The following KCNIP1 variants were observed in gnomAD, a reference collection of about 807,000 sequenced individuals.
KCNIP1 encodes the protein potassium voltage-gated channel interacting protein 1, also known as A-type potassium channel modulatory protein KCNIP1.
A neutral mutation model predicts 33.0 loss-of-function variants in KCNIP1; 18 were observed. The observed-to-expected ratio is 0.55, with a 90% CI of 0.38 to 0.81. KCNIP1 has a LOEUF of 0.81. Among genes scored for constraint, KCNIP1 ranks in the 30% least tolerant of loss-of-function variants. The pLI is 0.00. For missense variants in KCNIP1, 238 were observed against 271.6 expected (o/e 0.88, Z 0.87); for synonymous variants, 93 against 98.3 (o/e 0.95, Z 0.32).
At chr5:170,422,640 T>C (rs1755523044) in intron 1 of KCNIP1, 1 of 152,200 alleles carries the variant, frequency 6.6e-6, no homozygotes. Context: ...GAACCTAGAA[T>C]CTAAAGGGGT....
chr5:170,719,050 G>T (rs1561782359), intron 2 of KCNIP1, among the ~76,000 whole-genome samples, 168 bp downstream of exon 2: 1 of 152,106 alleles, frequency 6.6e-6, no homozygotes, highest in Non-Finnish European at 1.5e-5. Context: ...AGAAAGGAAG[G>T]CTCCAGGCGA....
intron 1 of KCNIP1, among the ~76,000 whole-genome samples, chr5:170,704,693 T>C (rs924633065): frequency 1.3e-5 from 2 of 152,304 alleles, no homozygotes; most frequent in Non-Finnish European, 1.5e-5. Flanking sequence ...GGGTGAGGAA[T>C]CTAGGCACTA....
chr5:170,615,913 G>A (rs1171063990), intron 1 of KCNIP1, among the ~76,000 whole-genome samples: 1 of 152,230 alleles, frequency 6.6e-6, no homozygotes, highest in Non-Finnish European at 1.5e-5. Flanking sequence ...CAGTAGCTGG[G>A]TTTGTTGTTG....
At chr5:170,687,127 C>T (rs1479971075) in intron 1 of KCNIP1, among the ~76,000 whole-genome samples, 6 of 152,002 alleles carry the variant, frequency 3.9e-5, no homozygotes, top group Non-Finnish European at 7.4e-5. Context: ...CTTAAAAATC[C>T]GGTTTCTCCT....
At chr5:170,385,150 C>T (rs1196445460) in intron 1 of KCNIP1, among the ~76,000 whole-genome samples, 1 of 152,208 alleles carries the variant, frequency 6.6e-6, no homozygotes, top group Non-Finnish European at 1.5e-5. Context: ...GTTCATCCTA[C>T]CTTCCCTGCA....
At chr5:170,711,286 T>A (rs1017172589) in intron 1 of KCNIP1, among the ~76,000 whole-genome samples, 20 of 152,232 alleles carry the variant, frequency 1.3e-4, no homozygotes, top group Non-Finnish European at 2.5e-4. Flanking sequence ...GAGTTTCTAA[T>A]CCATGGTCTA....
At chr5:170,628,150 G>T (rs533627196) in intron 1 of KCNIP1, among the ~76,000 whole-genome samples, 1 of 152,154 alleles carries the variant, frequency 6.6e-6, no homozygotes, top group Non-Finnish European at 1.5e-5. Flanking sequence ...TCAGGGTAGC[G>T]TGTGGCCTGG....
chr5:170,705,710 T>C (rs1288207421), intron 1 of KCNIP1, among the ~76,000 whole-genome samples: 1 of 152,196 alleles, frequency 6.6e-6, no homozygotes, highest in Non-Finnish European at 1.5e-5. Context: ...TTGAGTTGTG[T>C]CTCTGACAAT....
intron 1 of KCNIP1, among the ~76,000 whole-genome samples, chr5:170,487,876 G>T (rs1335785313): frequency 6.6e-6 from 1 of 152,074 alleles, no homozygotes; most frequent in East Asian, 1.9e-4. Context: ...CCAGCTCCTG[G>T]CAACCAATAA....
chr5:170,614,424 G>T (rs576951359), intron 1 of KCNIP1, among the ~76,000 whole-genome samples: 1 of 152,290 alleles, frequency 6.6e-6, no homozygotes, highest in East Asian at 1.9e-4. Flanking sequence ...TTGGCAGCTT[G>T]CCAGTGATCT....
chr5:170,721,387 T>TA, intron 3 of KCNIP1, among the ~76,000 whole-genome samples: 1 of 152,290 alleles, frequency 6.6e-6, no homozygotes, highest in East Asian at 1.9e-4. Flanking sequence ...TACATCCCAT[T>TA]GTAGAGAGGT....
At chr5:170,569,515 A>G (rs1757322309) in intron 1 of KCNIP1, among the ~76,000 whole-genome samples, 1 of 152,234 alleles carries the variant, frequency 6.6e-6, no homozygotes, top group African/African-American at 2.4e-5. Flanking sequence ...TTCATGTGTC[A>G]AATACAGATA....
At chr5:170,607,735 TG>T (rs1345269059) in intron 1 of KCNIP1, among the ~76,000 whole-genome samples, 1 of 152,162 alleles carries the variant, frequency 6.6e-6, no homozygotes, top group Admixed American at 6.5e-5. Context: ...ATGGAGAAAC[TG>T]GCCAGGACAC....
At chr5:170,502,953 G>A (rs1029284159), upstream of KCNIP1, among the ~76,000 whole-genome samples, 13 of 152,160 alleles carry the variant, frequency 8.5e-5, no homozygotes, top group Non-Finnish European at 7.4e-5. Context: ...TGGGTGAGAC[G>A]CCACTCACAG....
At chr5:170,523,231 C>T (rs1315660575) in intron 1 of KCNIP1, among the ~76,000 whole-genome samples, 1 of 152,206 alleles carries the variant, frequency 6.6e-6, no homozygotes, top group Non-Finnish European at 1.5e-5. Context: ...GAGTTCAGTT[C>T]CCTCGGCCAG....
At chr5:170,483,636 T>C (rs1418202363) in intron 1 of KCNIP1, among the ~76,000 whole-genome samples, 2 of 152,228 alleles carry the variant, frequency 1.3e-5, no homozygotes, top group South Asian at 2.1e-4. Flanking sequence ...TCTTTACAGC[T>C]GTATCCTGCA....
In KCNIP1 at chr5:170,494,392, A is replaced by C. The variant is rs543039989; in HGVS notation, c.88+140428A>C. 2.6e-5 allele frequency among the ~76,000 whole-genome samples: 4 copies of C among 152,280 alleles called. No homozygotes were observed. In the South Asian group the frequency reaches 6.2e-4, roughly 24 times the overall value. ...AGAACTCGGCTTGAAGGACTGCTCTAGTCAAGGTAGTGTGTTGTGGCAGCC... is the reference window on the plus strand; with the variant it reads ...AGAACTCGGCTTGAAGGACTGCTCTCGTCAAGGTAGTGTGTTGTGGCAGCC... On this transcript the variant is annotated intron_variant, in intron 1 of 7. Transcript: ENST00000377360.
Position 170,517,588 on chromosome 5 carries a change from TG to T in KCNIP1, c.61+12957del, listed in dbSNP as rs1163057497. ...GTGGTGGTGGTGGTGACAATGGTGATGGTGGTAGTGATGGTGATGATGATGA... is the reference window on the plus strand; with the variant it reads ...GTGGTGGTGGTGGTGACAATGGTGATGTGGTAGTGATGGTGATGATGATGA... On this transcript the variant is annotated intron_variant, in intron 1 of 7. Transcript: ENST00000328939. Among the ~76,000 whole-genome samples, 6 of 151,762 alleles carry T rather than the reference TG, an allele frequency of 4.0e-5. No homozygotes were observed. In the East Asian group the frequency reaches 1.2e-3, roughly 29 times the overall value.
At chr5:170,724,387 T>C (rs1387992431) in intron 5 of KCNIP1, among the ~76,000 whole-genome samples, 1 of 152,202 alleles carries the variant, frequency 6.6e-6, no homozygotes, top group African/African-American at 2.4e-5. Context: ...TCACTAAATA[T>C]TAGCAAATTG....
Sources: allele counts gnomAD v4.1 joint callset (sites outside exome capture counted in the v4.1 genomes callset), GRCh38; gene constraint gnomAD v4.1.1; transcripts MANE v1.5; gene names NCBI Gene and HGNC (gene_info 2026-07-23, HGNC 2026-07-21).